SPMAP2L: variants seen among roughly 807,000 people sequenced by gnomAD.
The protein encoded by SPMAP2L is sperm microtubule associated protein 2-like.
chr4:56,583,577 G>A, the SPMAP2L span, among the ~76,000 whole-genome samples: 10 of 152,166 alleles, frequency 6.6e-5, no homozygotes, highest in Non-Finnish European at 1.3e-4. Context: ...TCGTAGGTTT[G>A]TCATTTAATT....
At chr4:56,618,409 A>G in the SPMAP2L span, among the ~76,000 whole-genome samples, 1 of 152,236 alleles carries the variant, frequency 6.6e-6, no homozygotes, top group Non-Finnish European at 1.5e-5. Flanking sequence ...TAATGAAGAC[A>G]TACCCAAGAC....
the SPMAP2L span, chr4:56,584,549 C>T: frequency 6.5e-7 from 1 of 1,535,388 alleles, no homozygotes; most frequent in African/African-American, 1.4e-5. Context: ...TGATCCTTCT[C>T]CCCGGATATT....
At chr4:56,571,568 G>T in the SPMAP2L span, among the ~76,000 whole-genome samples, 7 of 152,050 alleles carry the variant, frequency 4.6e-5, no homozygotes, top group Non-Finnish European at 8.8e-5. Flanking sequence ...CTGCCTGCCT[G>T]AGCATGGTGG....
the SPMAP2L span, among the ~76,000 whole-genome samples, chr4:56,589,747 T>C: frequency 6.7e-6 from 1 of 148,982 alleles, no homozygotes; most frequent in African/African-American, 2.5e-5. Context: ...TGTGGGGGGG[T>C]TTTGTTTTTT....
the SPMAP2L span, chr4:56,584,595 A>C: frequency 6.5e-7 from 1 of 1,535,004 alleles, no homozygotes; most frequent in Non-Finnish European, 8.7e-7. Flanking sequence ...GACCCAAACT[A>C]TCATCCTTCA....
At chr4:56,593,640 G>A in the SPMAP2L span, 21 of 1,605,172 alleles carry the variant, frequency 1.3e-5, no homozygotes, top group African/African-American at 2.7e-5. Context: ...GGCTATGGGG[G>A]ACCCCACGCA....
the SPMAP2L span, chr4:56,584,656 A>G: frequency 1.6e-6 from 2 of 1,253,532 alleles, no homozygotes; most frequent in Non-Finnish European, 2.2e-6. Context: ...TTGACTTGTA[A>G]CATGCTGCCT....
At chr4:56,600,294 T>C in the SPMAP2L span, among the ~76,000 whole-genome samples, 1 of 150,988 alleles carries the variant, frequency 6.6e-6, no homozygotes, top group Non-Finnish European at 1.5e-5. Context: ...ATAGGATGGG[T>C]TTATTTATTT....
chr4:56,546,570 G>A, the SPMAP2L span, among the ~76,000 whole-genome samples: 1 of 152,182 alleles, frequency 6.6e-6, no homozygotes, highest in Admixed American at 6.5e-5. Flanking sequence ...GCTAACAACA[G>A]CCACCTGAGA....
the SPMAP2L span, among the ~76,000 whole-genome samples, chr4:56,534,037 A>G: frequency 2.0e-5 from 3 of 152,112 alleles, no homozygotes; most frequent in Admixed American, 2.0e-4. Flanking sequence ...TCTTTAAGAA[A>G]CCCCAAACCT....
chr4:56,566,695 C>CTTTTTTTTTTTTTT, the SPMAP2L span, among the ~76,000 whole-genome samples: 61 of 92,432 alleles, frequency 6.6e-4, no homozygotes, highest in Non-Finnish European at 1.1e-3. Context: ...TTTTCTTTTT[C>CTTTTTTTTTTTTTT]TTTTTTTTTT....
the SPMAP2L span, among the ~76,000 whole-genome samples, chr4:56,572,339 A>G: frequency 6.6e-6 from 1 of 152,238 alleles, no homozygotes; most frequent in African/African-American, 2.4e-5. Context: ...TTTCAGCTCC[A>G]GTACAATCCA....
the SPMAP2L span, among the ~76,000 whole-genome samples, chr4:56,567,533 G>A: frequency 1.5e-5 from 2 of 137,514 alleles, no homozygotes; most frequent in African/African-American, 5.4e-5. Flanking sequence ...CAAGTGATCC[G>A]CCGCCTCGGC....
the SPMAP2L span, among the ~76,000 whole-genome samples, chr4:56,576,334 T>C: frequency 6.6e-6 from 1 of 152,036 alleles, no homozygotes; most frequent in Non-Finnish European, 1.5e-5. Context: ...AATAAGAAAG[T>C]GGTGACAGCT....
At chr4:56,583,813 CAG>C in the SPMAP2L span, among the ~76,000 whole-genome samples, 2 of 152,088 alleles carry the variant, frequency 1.3e-5, no homozygotes, top group East Asian at 3.9e-4. Flanking sequence ...TCATTCATAA[CAG>C]ATCATAAAAT....
chr4:56,533,221 G>A, the SPMAP2L span, among the ~76,000 whole-genome samples: 259 of 152,246 alleles, frequency 1.7e-3, 1 homozygote, highest in African/African-American at 6.0e-3. Flanking sequence ...TTAAATCCAT[G>A]CCCCTGAACT....
At chr4:56,565,706 G>T in the SPMAP2L span, among the ~76,000 whole-genome samples, 1 of 152,106 alleles carries the variant, frequency 6.6e-6, no homozygotes, top group African/African-American at 2.4e-5. Flanking sequence ...AAACATAAAT[G>T]AATTTTGTGT....
At chr4:56,584,066 A>C in the SPMAP2L span, among the ~76,000 whole-genome samples, 1 of 151,972 alleles carries the variant, frequency 6.6e-6, no homozygotes, top group Non-Finnish European at 1.5e-5. Flanking sequence ...TCTTGGGCTC[A>C]AGTGATCCTC....
At chr4:56,560,037 T>A in the SPMAP2L span, among the ~76,000 whole-genome samples, 5 of 152,356 alleles carry the variant, frequency 3.3e-5, no homozygotes, top group East Asian at 9.6e-4. Flanking sequence ...TATTGCAGAC[T>A]TGTAATATCT....
Sources: gnomAD v4.1 joint callset for allele counts (sites outside exome capture counted in the v4.1 genomes callset) on GRCh38, gnomAD v4.1.1 for gene constraint, MANE v1.5 for transcripts, NCBI Gene and HGNC (gene_info 2026-07-23, HGNC 2026-07-21) for gene names.